Variants in ITGB1 observed in about 807,000 individuals in gnomAD.
ITGB1 encodes the protein integrin subunit beta 1.
ITGB1 carries 24 observed loss-of-function variants against 86.5 expected under a neutral mutation model. The observed-to-expected ratio is 0.28, with a 90% CI of 0.20 to 0.39. The LOEUF (loss-of-function observed/expected upper bound fraction) is 0.39. Among genes scored for constraint, ITGB1 ranks in the 10% least tolerant of loss-of-function variants. The pLI is 1.00. For synonymous variants in ITGB1, 323 were observed against 316.8 expected (o/e 1.02, Z -0.21); for missense variants, 556 against 946.9 (o/e 0.59, Z 5.42).
chr10:32,901,454 A>G lies in ITGB1; in HGVS notation c.*116T>C, dbSNP rs1239733036. 1 of 680,632 alleles carries G rather than the reference A, an allele frequency of 1.5e-6. No individual in the cohort carries two copies. Among genetic ancestry groups the G allele is most frequent in the East Asian group, 2.8e-5 (1 of 36,230 alleles). The allele number at this position is 680,632 out of a possible 1,614,324, so 42.2% of individuals were successfully genotyped here. ...ATTTTAAAAATTATACATATTGTAC[A>G]TTTTCAAAACCTGCACATGAGTAAA... On this transcript the variant is annotated 3_prime_UTR_variant, in exon 16 of 16. Coordinates refer to ENST00000302278, the MANE Select transcript of ITGB1 (RefSeq NM_002211.4).
chr10:32,910,533 T>C, intron 13 of ITGB1, 78 bp from the exon 14 acceptor site: 1 of 979,736 alleles, frequency 1.0e-6, no homozygotes, highest in Non-Finnish European at 1.5e-6. Flanking sequence ...TTTCCCATGC[T>C]AAACTCTTGT....
At chr10:32,927,382 C>A (rs989958184) in intron 5 of ITGB1, among the ~76,000 whole-genome samples, 2 of 152,116 alleles carry the variant, frequency 1.3e-5, no homozygotes, top group Non-Finnish European at 2.9e-5. Flanking sequence ...GTTTGGAAAG[C>A]AGATCATCAT....
At chr10:32,946,090 G>A (rs181270840) in intron 1 of ITGB1, among the ~76,000 whole-genome samples, 81 of 152,184 alleles carry the variant, frequency 5.3e-4, no homozygotes, top group African/African-American at 1.6e-3. Flanking sequence ...GATGTTACTC[G>A]GGTTAAGAAA....
chr10:32,933,551 T>C (rs921394146), intron 2 of ITGB1: 3 of 152,186 alleles, frequency 2.0e-5, no homozygotes, highest in Admixed American at 2.0e-4. Context: ...TTTTCTGAGA[T>C]TATAAAACCA....
intron 6 of ITGB1, among the ~76,000 whole-genome samples, chr10:32,925,111 G>C (rs1175888200): frequency 6.6e-6 from 1 of 152,112 alleles, no homozygotes; most frequent in East Asian, 1.9e-4. Flanking sequence ...CTAGAGAATG[G>C]GGGCACTGGA....
At chr10:32,943,913 C>A (rs1352328800) in intron 1 of ITGB1, among the ~76,000 whole-genome samples, 1 of 152,216 alleles carries the variant, frequency 6.6e-6, no homozygotes, top group African/African-American at 2.4e-5. Flanking sequence ...CGTAGAAAGT[C>A]TGTCCAGTGA....
At chr10:32,948,347 A>G (rs2137262841) in intron 1 of ITGB1, among the ~76,000 whole-genome samples, 1 of 152,300 alleles carries the variant, frequency 6.6e-6, no homozygotes, top group African/African-American at 2.4e-5. Flanking sequence ...TAGACAAAAT[A>G]CAAATGCTCT....
intron 10 of ITGB1, 56 bp from the exon 11 acceptor site, chr10:32,920,140 A>C: frequency 6.4e-7 from 1 of 1,568,364 alleles, no homozygotes; most frequent in South Asian, 1.1e-5. Context: ...CTACTAAAAA[A>C]TATTTCAAAA....
intron 12 of ITGB1, 28 bp downstream of exon 12, chr10:32,911,858 T>C: frequency 6.4e-7 from 1 of 1,572,174 alleles, no homozygotes; most frequent in Non-Finnish European, 8.7e-7. Context: ...GGATCACATC[T>C]TACAACCACT....
chr10:32,929,767 G>A, intron 4 of ITGB1, 55 bp downstream of exon 4: 1 of 967,440 alleles, frequency 1.0e-6, no homozygotes, highest in South Asian at 1.3e-5. Context: ...GCATAAAGCT[G>A]GTGTCGAATG....
chr10:32,919,856 C>T (rs202125974), intron 11 of ITGB1, 29 bp downstream of exon 11: 82 of 1,596,446 alleles, frequency 5.1e-5, no homozygotes, highest in Non-Finnish European at 5.8e-5. Flanking sequence ...CAATGTAGCT[C>T]TGTCACTGTC....
intron 1 of ITGB1, among the ~76,000 whole-genome samples, chr10:32,949,916 A>C (rs1420357835): frequency 1.3e-5 from 2 of 152,160 alleles, no homozygotes; most frequent in East Asian, 3.8e-4. Context: ...TTAAACAACT[A>C]CACTTTAGAA....
intron 5 of ITGB1, among the ~76,000 whole-genome samples, chr10:32,926,369 C>CTGA (rs1359279487): frequency 6.6e-6 from 1 of 152,172 alleles, no homozygotes; most frequent in African/African-American, 2.4e-5. Context: ...GTTTGGGTAT[C>CTGA]TGTCCCCGCC....
At chr10:32,930,740 A>G (rs1370430062) in intron 3 of ITGB1, among the ~76,000 whole-genome samples, 1 of 152,122 alleles carries the variant, frequency 6.6e-6, no homozygotes, top group Non-Finnish European at 1.5e-5. Context: ...TCAAAAAAGG[A>G]AAAAAAGTTC....
chr10:32,917,787 G>A (rs1388929178), intron 11 of ITGB1, among the ~76,000 whole-genome samples: 15 of 152,284 alleles, frequency 9.9e-5, no homozygotes, highest in East Asian at 3.9e-4. Flanking sequence ...ACAGTGTAGC[G>A]ATTCCTCAAG....
At position 32,901,458 on chromosome 10, in the gene ITGB1, T is replaced by C. The variant is rs2094881670; in HGVS notation, c.*112A>G. On this transcript the variant is annotated 3_prime_UTR_variant, in exon 16 of 16. Coordinates refer to ENST00000302278, the MANE Select transcript of ITGB1 (RefSeq NM_002211.4). ...TAAAAATTATACATATTGTACATTTTCAAAACCTGCACATGAGTAAAACCA... is the reference window on the plus strand; with the variant it reads ...TAAAAATTATACATATTGTACATTTCCAAAACCTGCACATGAGTAAAACCA... The C allele has an allele frequency of 1.4e-6, 1 of 704,250 alleles. No homozygotes were observed. 43.6% of individuals were successfully genotyped at this position (704,250 alleles called of 1,614,324 possible). A position where few individuals can be genotyped will look rare whatever the true frequency, so the allele number is the denominator to read the frequency against.
intron 1 of ITGB1, among the ~76,000 whole-genome samples, chr10:32,945,159 C>T (rs1033383880): frequency 1.3e-5 from 2 of 152,032 alleles, no homozygotes; most frequent in African/African-American, 4.8e-5. Flanking sequence ...ATGTGCCAAA[C>T]GAGTCAGATA....
Position 32,920,449 on chromosome 10 carries a change from C to A in ITGB1, c.1129-64G>T. Reference sequence around the variant, plus strand: ...AAAATGCTACTTGAATGCATAAAACCAATGGATAAACTGCTCAGAAAAAAA... The same window carrying A: ...AAAATGCTACTTGAATGCATAAAACAAATGGATAAACTGCTCAGAAAAAAA... On this transcript the variant is annotated intron_variant, in intron 9 of 15. Transcript: ENST00000302278. 7 of 1,444,182 alleles carry A rather than the reference C, an allele frequency of 4.8e-6. No homozygotes were observed. In the South Asian group the frequency reaches 7.2e-5, roughly 15 times the overall value. The allele number at this position is 1,444,182 out of a possible 1,614,324, so 89.5% of individuals were successfully genotyped here. A position where few individuals can be genotyped will look rare whatever the true frequency, so the allele number is the denominator to read the frequency against.
chr10:32,937,571 AAAAAAAAG>A lies in ITGB1; in HGVS notation c.1-2021_1-2014del, dbSNP rs1447707776. Among the ~76,000 whole-genome samples, 81 of 151,474 alleles carry A rather than the reference AAAAAAAAG, an allele frequency of 5.3e-4. 1 individual carries two copies. The highest frequency in any genetic ancestry group is 1.8e-3 in the African/African-American group (75 of 41,424). On this transcript the variant is annotated intron_variant, in intron 1 of 15. Transcript: ENST00000302278. ...CTCCGTCTCAAAAAAAAAAAAAAAA[AAAAAAAAG>A]AGTTACAAAATAATTTTGGATGTAA...
Sources: allele counts gnomAD v4.1 joint callset (sites outside exome capture counted in the v4.1 genomes callset), GRCh38; gene constraint gnomAD v4.1.1; transcripts MANE v1.5; gene names NCBI Gene and HGNC (gene_info 2026-07-23, HGNC 2026-07-21).